The following RALGPS1 variants were observed in gnomAD, a reference collection of about 807,000 sequenced individuals.
The protein encoded by RALGPS1 is Ral GEF with PH domain and SH3 binding motif 1, also known as ras-specific guanine nucleotide-releasing factor RalGPS1.
In RALGPS1, 19 loss-of-function variants were observed where a neutral mutation model predicts 78.8. The ratio of observed to expected loss-of-function variants is 0.24; its 90% CI spans 0.17 to 0.35. The LOEUF (loss-of-function observed/expected upper bound fraction) is 0.35. RALGPS1 is among the 10% of genes least tolerant of loss of function. RALGPS1 has a pLI of 1.00. For missense variants in RALGPS1, 454 were observed against 688.3 expected (o/e 0.66, Z 3.81); for synonymous variants, 228 against 256.3 (o/e 0.89, Z 1.06).
intron 8 of RALGPS1, among the ~76,000 whole-genome samples, chr9:127,096,304 C>T (rs59185472): frequency 0.016 from 2,460 of 152,340 alleles, 78 homozygotes; most frequent in African/African-American, 0.056. Flanking sequence ...AGCAGAGCGC[C>T]GGTGGGCGTG....
intron 1 of RALGPS1, among the ~76,000 whole-genome samples, chr9:126,916,441 A>G (rs1397710937): frequency 6.6e-6 from 1 of 152,148 alleles, no homozygotes; most frequent in Non-Finnish European, 1.5e-5. Flanking sequence ...GCCTGAGGCT[A>G]TGGAAGTCCC....
Position 127,091,802 on chromosome 9 carries a change from A to G in RALGPS1, c.610+22446A>G. The G allele has an allele frequency of 6.2e-7, 1 of 1,614,160 alleles. No individual in the cohort carries two copies. Among genetic ancestry groups the G allele is most frequent in the Non-Finnish European group, 8.5e-7 (1 of 1,180,030 alleles). ...TACTCGCTCTCAGGTTCCAGGCGGA[A>G]ACTGGCGTATTCTGCAAAGACTTTG... On this transcript the variant is annotated intron_variant, in intron 8 of 18. Transcript: ENST00000259351. The surrounding 1 kb of genome is among the most constrained non-coding windows in gnomAD (Gnocchi z 4.3).
intron 8 of RALGPS1, 32 bp from the exon 9 acceptor site, chr9:127,166,037 C>T (rs1408740651): frequency 5.7e-6 from 9 of 1,587,836 alleles, no homozygotes; most frequent in Non-Finnish European, 6.0e-6. Context: ...TGGTAAGCTC[C>T]TTCCATCATG....
chr9:127,107,997 G>A (rs1209022960), intron 8 of RALGPS1: 11 of 1,593,038 alleles, frequency 6.9e-6, no homozygotes, highest in South Asian at 2.3e-5. Context: ...TCAGGTTCTG[G>A]TCACTCTGGA....
At chr9:127,100,891 A>G (rs2053655998) in intron 8 of RALGPS1, among the ~76,000 whole-genome samples, 3 of 152,118 alleles carry the variant, frequency 2.0e-5, no homozygotes, top group Admixed American at 6.5e-5. Flanking sequence ...ATGCTCACGA[A>G]CCCTTTGTGT....
chr9:127,151,797 GTTC>G lies in RALGPS1; in HGVS notation c.611-14270_611-14268del, dbSNP rs559610324. Reference sequence around the variant, plus strand: ...TTTCCTGGAGCCTGATAAACTCTGAGTTCTATCCCTAGATACATTCTGGCTAAC... The same window carrying G: ...TTTCCTGGAGCCTGATAAACTCTGAGTATCCCTAGATACATTCTGGCTAAC... On this transcript the variant is annotated intron_variant, in intron 8 of 18. Transcript: ENST00000259351. 2.1e-3 allele frequency among the ~76,000 whole-genome samples: 315 copies of G among 152,234 alleles called. 4 individuals carry two copies. Among genetic ancestry groups the G allele is most frequent in the Admixed American group, 7.2e-3 (110 of 15,302 alleles).
intron 11 of RALGPS1, among the ~76,000 whole-genome samples, chr9:127,185,273 G>A (rs886607787): frequency 6.6e-5 from 10 of 152,180 alleles, no homozygotes; most frequent in South Asian, 6.2e-4. Flanking sequence ...CCTTCCCCTC[G>A]TTGAACTCCA....
intron 4 of RALGPS1, among the ~76,000 whole-genome samples, chr9:127,031,858 A>G (rs562713570): frequency 6.6e-6 from 1 of 152,262 alleles, no homozygotes; most frequent in Non-Finnish European, 1.5e-5. Flanking sequence ...TTTTTGAATT[A>G]GGGTCTTAGA....
chr9:126,936,121 AC>A lies in RALGPS1; in HGVS notation c.-66+21148del, dbSNP rs1332125973. 2.6e-5 allele frequency among the ~76,000 whole-genome samples: 4 copies of A among 152,290 alleles called. No individual in the cohort carries two copies. In the East Asian group the frequency reaches 7.7e-4, roughly 29 times the overall value. On this transcript the variant is annotated intron_variant, in intron 1 of 18. Coordinates refer to ENST00000259351, the MANE Select transcript of RALGPS1 (RefSeq NM_014636.3). ...CCTGGGCCCACCTGGATGACAGCTG[AC>A]CAGTCATCCCGAGCCTCAGGCATGC...
chr9:126,978,054 T>G (rs1049607579), intron 4 of RALGPS1: 2 of 248,432 alleles, frequency 8.1e-6, no homozygotes, highest in African/African-American at 2.2e-5. Flanking sequence ...CTGAAAATGT[T>G]TGCTTTCAAG....
chr9:126,956,265 T>G (rs963949352), intron 1 of RALGPS1, among the ~76,000 whole-genome samples: 2 of 152,070 alleles, frequency 1.3e-5, no homozygotes, highest in African/African-American at 4.8e-5. Context: ...TAGGCCAGGC[T>G]AACCCCCTCA....
Position 126,956,888 on chromosome 9 carries a change from A to G in RALGPS1, c.-65-5337A>G, listed in dbSNP as rs117088494. 7.2e-3 allele frequency among the ~76,000 whole-genome samples: 1,096 copies of G among 152,302 alleles called. 3 individuals are homozygous for G. The highest frequency in any genetic ancestry group is 0.035 in the South Asian group (170 of 4,824). On this transcript the variant is annotated intron_variant, in intron 1 of 18. Coordinates refer to ENST00000259351, the MANE Select transcript of RALGPS1 (RefSeq NM_014636.3). ...TGTCCAGCCCTGATGGAGCATTTTAAACACGTTTCCTCATCCAGTGCTCAC... is the reference window on the plus strand; with the variant it reads ...TGTCCAGCCCTGATGGAGCATTTTAGACACGTTTCCTCATCCAGTGCTCAC...
intron 8 of RALGPS1, among the ~76,000 whole-genome samples, chr9:127,133,680 C>T (rs1179580856): frequency 6.6e-6 from 1 of 152,194 alleles, no homozygotes; most frequent in Non-Finnish European, 1.5e-5. Flanking sequence ...ACCTCAAAAT[C>T]CACCCTAGGG....
At chr9:127,011,557 A>T (rs1011385304) in intron 4 of RALGPS1, among the ~76,000 whole-genome samples, 5 of 152,220 alleles carry the variant, frequency 3.3e-5, no homozygotes, top group Admixed American at 3.3e-4. Flanking sequence ...TTATATGTCT[A>T]ACTAGAAAAA....
chr9:127,065,301 A>G (rs2049593044), intron 7 of RALGPS1, among the ~76,000 whole-genome samples: 1 of 152,104 alleles, frequency 6.6e-6, no homozygotes, highest in Admixed American at 6.6e-5. Context: ...TTTAGTAAAG[A>G]TGGGGTTTCA....
chr9:127,034,577 G>C (rs1042313326), intron 5 of RALGPS1, 63 bp downstream of exon 5: 3 of 1,454,104 alleles, frequency 2.1e-6, no homozygotes, highest in African/African-American at 2.8e-5. Context: ...CCTGTAGGCT[G>C]CGAGCCCCCA....
At chr9:127,174,809 A>G in intron 11 of RALGPS1, 27 bp downstream of exon 11, 1 of 1,601,696 alleles carries the variant, frequency 6.2e-7, no homozygotes, top group Non-Finnish European at 8.6e-7. Flanking sequence ...GAGTGGGAGC[A>G]AACCCACTTA....
intron 8 of RALGPS1, among the ~76,000 whole-genome samples, chr9:127,085,162 T>C (rs2136226121): frequency 6.6e-6 from 1 of 152,320 alleles, no homozygotes; most frequent in East Asian, 1.9e-4. Context: ...CTTCTGGCCC[T>C]GTTCACACAA....
intron 1 of RALGPS1, among the ~76,000 whole-genome samples, chr9:126,938,158 T>A (rs1415664079): frequency 1.3e-5 from 2 of 152,130 alleles, no homozygotes; most frequent in Non-Finnish European, 2.9e-5. Flanking sequence ...GCATCACTGT[T>A]TATAGTGGCA....
Sources: allele counts gnomAD v4.1 joint callset (sites outside exome capture counted in the v4.1 genomes callset), GRCh38; gene constraint gnomAD v4.1.1; non-coding constraint Gnocchi (gnomAD v3.1); transcripts MANE v1.5; gene names NCBI Gene and HGNC (gene_info 2026-07-23, HGNC 2026-07-21).